The following LCORL variants were observed in gnomAD, a reference collection of about 807,000 sequenced individuals.
LCORL encodes the protein ligand-dependent nuclear receptor corepressor-like protein.
A neutral mutation model predicts 141.8 loss-of-function variants in LCORL; 41 were observed. That is an observed-to-expected ratio of 0.29 (90% CI 0.23 to 0.38). The LOEUF is 0.38. LCORL is among the 10% of genes least tolerant of loss of function. The pLI, the probability that LCORL is intolerant of heterozygous loss-of-function variation, is 1.00. For synonymous variants in LCORL, 618 were observed against 694.1 expected, an observed-to-expected ratio of 0.89 and a Z score of 1.72; for missense variants, 1,759 against 2,035.0, an observed-to-expected ratio of 0.86 and a Z score of 2.61.
chr4:18,007,518 T>C (rs1447945654), intron 1 of LCORL, among the ~76,000 whole-genome samples: 1 of 152,202 alleles, frequency 6.6e-6, no homozygotes, highest in Admixed American at 6.5e-5. Context: ...ATTTATCGTA[T>C]TCTGTAGTCA....
chr4:17,943,463 A>G (rs1351256052), intron 4 of LCORL, among the ~76,000 whole-genome samples: 1 of 152,210 alleles, frequency 6.6e-6, no homozygotes, highest in Non-Finnish European at 1.5e-5. Context: ...CCTTATACCA[A>G]AAGTTACTAA....
At chr4:18,020,081 T>G (rs1262055669) in intron 1 of LCORL, among the ~76,000 whole-genome samples, 1 of 152,194 alleles carries the variant, frequency 6.6e-6, no homozygotes, top group East Asian at 1.9e-4. Context: ...AGCAGTAAAT[T>G]ACTTAAACAT....
At chr4:17,996,577 G>C (rs1720950393) in intron 1 of LCORL, among the ~76,000 whole-genome samples, 1 of 152,062 alleles carries the variant, frequency 6.6e-6, no homozygotes, top group Admixed American at 6.5e-5. Context: ...GCAAATGACA[G>C]ATGGGAATTT....
chr4:17,876,048 A>C, exon 7 of LCORL: 1 of 1,231,080 alleles, frequency 8.1e-7, no homozygotes, highest in Non-Finnish European at 1.0e-6. Flanking sequence ...GGAAGTGCCA[A>C]CTGAAGTTAA....
intron 1 of LCORL, among the ~76,000 whole-genome samples, chr4:17,997,532 A>G (rs1158552088): frequency 6.6e-6 from 1 of 152,214 alleles, no homozygotes; most frequent in Non-Finnish European, 1.5e-5. Flanking sequence ...AATAAGAAAG[A>G]TGACTAATAC....
exon 7 of LCORL, chr4:17,873,733 C>G: frequency 8.1e-7 from 1 of 1,233,918 alleles, no homozygotes; most frequent in Non-Finnish European, 1.0e-6. Flanking sequence ...TCAGTAGATT[C>G]AGGAGAGTAA....
chr4:18,021,434 C>A lies in LCORL; in HGVS notation c.154+164G>T, dbSNP rs928215502. Reference sequence around the variant, plus strand: ...CGCGCCGGGCCAGCAGCCCGCAAGACAAAAGGCGAGCGCCGGGGCCGCCGC... The same window carrying A: ...CGCGCCGGGCCAGCAGCCCGCAAGAAAAAAGGCGAGCGCCGGGGCCGCCGC... On this transcript the variant is annotated intron_variant, in intron 1 of 7. Coordinates refer to ENST00000635767, the Ensembl canonical transcript of LCORL. This position sits in a 1 kb window ranked among gnomAD's most constrained non-coding sequence, Gnocchi z 5.5. 1.3e-5 allele frequency among the ~76,000 whole-genome samples: 2 copies of A among 152,100 alleles called. No homozygotes were observed.
At chr4:17,947,830 G>C (rs1739125865) in intron 4 of LCORL, among the ~76,000 whole-genome samples, 2 of 151,880 alleles carry the variant, frequency 1.3e-5, no homozygotes, top group Admixed American at 1.3e-4. Flanking sequence ...TTTTGGCAAA[G>C]CACATCTAAT....
chr4:17,980,412 T>C (rs528545775), intron 1 of LCORL, among the ~76,000 whole-genome samples: 58 of 152,326 alleles, frequency 3.8e-4, no homozygotes, highest in Admixed American at 1.0e-3. Flanking sequence ...AACTCTTTGA[T>C]GTCACAGCTT....
At chr4:17,882,528 C>T in intron 6 of LCORL, 1 of 984,450 alleles carries the variant, frequency 1.0e-6, no homozygotes, top group Non-Finnish European at 1.2e-6. Context: ...TCTAACTACC[C>T]AATTAGTAGA....
chr4:17,960,135 A>C (rs998181058), intron 4 of LCORL: 1 of 154,118 alleles, frequency 6.5e-6, no homozygotes, highest in Non-Finnish European at 1.5e-5. Context: ...ACAAATAAAG[A>C]AATTAACAAA....
exon 8 of LCORL, chr4:17,845,879 C>T (rs1409911261): frequency 2.5e-6 from 4 of 1,610,308 alleles, no homozygotes; most frequent in East Asian, 4.5e-5. Context: ...TTCAGTTTCT[C>T]ATCAGTTTTC....
intron 1 of LCORL, among the ~76,000 whole-genome samples, chr4:17,983,452 T>C (rs1326515678): frequency 6.6e-6 from 1 of 152,180 alleles, no homozygotes; most frequent in African/African-American, 2.4e-5. Context: ...GAGCAGTGTT[T>C]TGTAATTCTC....
At chr4:17,871,140 G>A (rs1243654838) in intron 7 of LCORL, among the ~76,000 whole-genome samples, 1 of 151,560 alleles carries the variant, frequency 6.6e-6, no homozygotes, top group African/African-American at 2.4e-5. Flanking sequence ...AGAAGTATGA[G>A]ATACCAAGAA....
chr4:17,884,495 A>G lies in LCORL; in HGVS notation c.776+1573T>C. On this transcript the variant is annotated intron_variant, in intron 6 of 7. Coordinates refer to ENST00000635767, the Ensembl canonical transcript of LCORL. The surrounding 1 kb of genome is among the most constrained non-coding windows in gnomAD (Gnocchi z 4.4). Reference sequence around the variant, plus strand: ...TGCCCACAAGGCTACTTTTTGCAGCACTGCACAAGTTTCTTTACTGTCCTT... The same window carrying G: ...TGCCCACAAGGCTACTTTTTGCAGCGCTGCACAAGTTTCTTTACTGTCCTT... The G allele has an allele frequency of 6.5e-7, 1 of 1,545,898 alleles. No individual in the cohort carries two copies.
chr4:17,899,285 T>C (rs939836812), intron 5 of LCORL, among the ~76,000 whole-genome samples: 3 of 152,206 alleles, frequency 2.0e-5, no homozygotes, highest in Non-Finnish European at 2.9e-5. Flanking sequence ...TGTTTATACA[T>C]TGAAATTTGG....
chr4:17,982,343 T>C (rs1203608991), intron 1 of LCORL, among the ~76,000 whole-genome samples: 19 of 152,198 alleles, frequency 1.2e-4, no homozygotes, highest in Admixed American at 1.2e-3. Context: ...TTTAGCTCTT[T>C]GAGGAACTGC....
intron 4 of LCORL, among the ~76,000 whole-genome samples, chr4:17,929,534 C>T (rs146152036): frequency 2.0e-3 from 303 of 152,190 alleles, no homozygotes; most frequent in African/African-American, 6.7e-3. Context: ...ATCTTTTCAA[C>T]AAATTATGCT....
At chr4:17,853,644 T>G (rs1051159908) in intron 7 of LCORL, among the ~76,000 whole-genome samples, 1 of 152,154 alleles carries the variant, frequency 6.6e-6, no homozygotes, top group Non-Finnish European at 1.5e-5. Flanking sequence ...ACTCATCTAT[T>G]TAACTCCAAA....
Sources: gnomAD v4.1 joint callset for allele counts (sites outside exome capture counted in the v4.1 genomes callset) on GRCh38, gnomAD v4.1.1 for gene constraint, Gnocchi (gnomAD v3.1) non-coding constraint, MANE v1.5 for transcripts, NCBI Gene and HGNC (gene_info 2026-07-23, HGNC 2026-07-21) for gene names.